The following PTPN14 variants were observed in gnomAD, a reference collection of about 807,000 sequenced individuals.
PTPN14 encodes protein tyrosine phosphatase non-receptor type 14.
Under a neutral mutation model 126.8 loss-of-function variants are expected in PTPN14, and 53 were observed. The observed-to-expected ratio is 0.42, with a 90% CI of 0.34 to 0.53. PTPN14 has a LOEUF of 0.53. Among genes scored for constraint, PTPN14 ranks in the 20% least tolerant of loss-of-function variants. The probability of loss-of-function intolerance (pLI) is 0.08; values close to 1 mark genes in which losing one functional copy is unlikely to be tolerated. For missense variants in PTPN14, 1,257 were observed against 1,552.9 expected (o/e 0.81, Z 3.20); for synonymous variants, 630 against 599.3 (o/e 1.05, Z -0.75).
chr1:214,452,935 T>C (rs1304738961), intron 2 of PTPN14, among the ~76,000 whole-genome samples: 1 of 152,194 alleles, frequency 6.6e-6, no homozygotes, highest in East Asian at 1.9e-4. Context: ...AAGGCATTCT[T>C]ATGCTGATGT....
At chr1:214,412,327 A>G (rs17022833) in intron 4 of PTPN14, among the ~76,000 whole-genome samples, 2,614 of 152,328 alleles carry the variant, frequency 0.017, 83 homozygotes, top group African/African-American at 0.059. Context: ...CTTGCTTCTT[A>G]TCTTGCTTGC....
At chr1:214,420,591 T>C (rs190592377) in intron 3 of PTPN14, among the ~76,000 whole-genome samples, 31 of 152,368 alleles carry the variant, frequency 2.0e-4, no homozygotes, top group African/African-American at 7.0e-4. Flanking sequence ...TCTTGAACTC[T>C]TGCATTAATT....
intron 3 of PTPN14, among the ~76,000 whole-genome samples, chr1:214,433,395 T>A (rs1314432056): frequency 6.6e-6 from 1 of 151,878 alleles, no homozygotes; most frequent in Non-Finnish European, 1.5e-5. Context: ...GGTGACAGAT[T>A]TGCAATTTGT....
In PTPN14 at chr1:214,350,273, T is replaced by G. The variant is rs540626038; in HGVS notation, c.*7649A>C. The G allele has an allele frequency of 2.6e-5, 4 of 152,316 alleles. No homozygotes were observed. The East Asian group carries it at 7.7e-4, about 29-fold the overall frequency. The allele number at this position is 152,316 out of a possible 1,614,324, so 9.4% of individuals were successfully genotyped here. A position where few individuals can be genotyped will look rare whatever the true frequency, so the allele number is the denominator to read the frequency against. ...TAAAGAGGCTATAATGACGAAAGCA[T>G]TTTCCCTGCAGGGAGAAGCTAGAAA... On this transcript the variant is annotated 3_prime_UTR_variant, in exon 19 of 19. Transcript: ENST00000366956.
At chr1:214,538,186 G>A (rs565287826) in intron 1 of PTPN14, among the ~76,000 whole-genome samples, 1 of 152,210 alleles carries the variant, frequency 6.6e-6, no homozygotes, top group Non-Finnish European at 1.5e-5. Flanking sequence ...ACAAGCTGGT[G>A]GATAGACAAA....
At chr1:214,476,708 T>G (rs1436024891) in intron 1 of PTPN14, among the ~76,000 whole-genome samples, 1 of 152,190 alleles carries the variant, frequency 6.6e-6, no homozygotes, top group Non-Finnish European at 1.5e-5. Flanking sequence ...GTCATTTCCA[T>G]GCCTAAGCCA....
chr1:214,503,939 A>C (rs1227375791), intron 1 of PTPN14, among the ~76,000 whole-genome samples: 1 of 152,186 alleles, frequency 6.6e-6, no homozygotes, highest in South Asian at 2.1e-4. Context: ...TGGGACTCTC[A>C]TCATTTTGTA....
rs907965659 is a variant in PTPN14 at position 214,506,544 on chromosome 1, T to C, written c.-154-41587A>G. 2.1e-5 allele frequency among the ~76,000 whole-genome samples: 3 copies of C among 139,624 alleles called. No individual in the cohort carries two copies. The East Asian group carries it at 5.8e-4, about 27-fold the overall frequency. The allele number at this position is 139,624 out of a possible 152,430, so 91.6% of individuals were successfully genotyped here. On this transcript the variant is annotated intron_variant, in intron 1 of 18. Coordinates refer to ENST00000366956, the MANE Select transcript of PTPN14 (RefSeq NM_005401.5). ...AAGAAAATAAATAAATAAATAAATA[T>C]AAAAACTATTTCTAATGTTTACAGA...
chr1:214,447,455 C>T (rs1277325711), intron 3 of PTPN14, among the ~76,000 whole-genome samples: 1 of 152,156 alleles, frequency 6.6e-6, no homozygotes, highest in African/African-American at 2.4e-5. Context: ...CATAAGCCTA[C>T]AACCTACGGC....
chr1:214,388,126 A>G (rs1026796721), intron 11 of PTPN14, among the ~76,000 whole-genome samples: 1 of 152,194 alleles, frequency 6.6e-6, no homozygotes, highest in African/African-American at 2.4e-5. Context: ...AAACAAAAAA[A>G]CTTCAATGGA....
At chr1:214,372,432 T>C in intron 16 of PTPN14, 1 of 366,406 alleles carries the variant, frequency 2.7e-6, no homozygotes, top group Non-Finnish European at 5.0e-6. Context: ...TTTGGTTTTC[T>C]GTTGTTTTAT....
At chr1:214,443,130 A>G (rs1032780117) in intron 3 of PTPN14, among the ~76,000 whole-genome samples, 1 of 152,186 alleles carries the variant, frequency 6.6e-6, no homozygotes, top group African/African-American at 2.4e-5. Flanking sequence ...GCCTAACTGC[A>G]TATCTTTCAC....
At chr1:214,394,268 G>A (rs772003803) in intron 9 of PTPN14, among the ~76,000 whole-genome samples, 1 of 152,146 alleles carries the variant, frequency 6.6e-6, no homozygotes, top group Non-Finnish European at 1.5e-5. Flanking sequence ...ATAGAATCAG[G>A]GGTCACTAGA....
intron 3 of PTPN14, among the ~76,000 whole-genome samples, chr1:214,422,970 T>A (rs1228716020): frequency 6.6e-6 from 1 of 152,124 alleles, no homozygotes; most frequent in Non-Finnish European, 1.5e-5. Flanking sequence ...TAATTCTATA[T>A]CCCTCGAGAC....
chr1:214,504,561 G>A (rs893299471), intron 1 of PTPN14, among the ~76,000 whole-genome samples: 1 of 152,156 alleles, frequency 6.6e-6, no homozygotes, highest in Non-Finnish European at 1.5e-5. Context: ...AATGTCCACA[G>A]AGGTGATGTC....
chr1:214,383,205 T>G lies in PTPN14; in HGVS notation c.2544+106A>C. 7.4e-7 allele frequency: 1 copy of G among 1,357,742 alleles called. No individual in the cohort carries two copies. Among genetic ancestry groups the G allele is most frequent in the Non-Finnish European group, 1.0e-6 (1 of 994,660 alleles). 84.1% of individuals were successfully genotyped at this position (1,357,742 alleles called of 1,614,324 possible). A position where few individuals can be genotyped will look rare whatever the true frequency, so the allele number is the denominator to read the frequency against. ...GTACTACCTTTTAAATGCTCAATGA[T>G]TCCTTAAAAACCTACCACGTTCCCT... On this transcript the variant is annotated intron_variant, in intron 13 of 18. Transcript: ENST00000366956. The surrounding 1 kb of genome is among the most constrained non-coding windows in gnomAD (Gnocchi z 4.4).
chr1:214,359,933 T>C (rs1657915548), intron 18 of PTPN14, among the ~76,000 whole-genome samples: 1 of 152,210 alleles, frequency 6.6e-6, no homozygotes, highest in African/African-American at 2.4e-5. Context: ...ATTAATTCAG[T>C]GTCATGGGTA....
At chr1:214,359,035 C>T (rs1558067799) in intron 18 of PTPN14, among the ~76,000 whole-genome samples, 2 of 151,742 alleles carry the variant, frequency 1.3e-5, no homozygotes, top group Admixed American at 6.6e-5. Context: ...TGAGCCACCC[C>T]GCCTGACCTC....
Position 214,383,196 on chromosome 1 carries a change from G to T in PTPN14, c.2544+115C>A. 1 of 1,291,846 alleles carries T rather than the reference G, an allele frequency of 7.7e-7. No individual in the cohort carries two copies. Among genetic ancestry groups the T allele is most frequent in the East Asian group, 2.3e-5 (1 of 42,616 alleles). The allele number at this position is 1,291,846 out of a possible 1,614,324, so 80.0% of individuals were successfully genotyped here. On this transcript the variant is annotated intron_variant, in intron 13 of 18. Transcript: ENST00000366956. This position sits in a 1 kb window ranked among gnomAD's most constrained non-coding sequence, Gnocchi z 4.4. ...TGTAATAAAGTACTACCTTTTAAAT[G>T]CTCAATGATTCCTTAAAAACCTACC...
Sources: gnomAD v4.1 joint callset for allele counts (sites outside exome capture counted in the v4.1 genomes callset) on GRCh38, gnomAD v4.1.1 for gene constraint, Gnocchi (gnomAD v3.1) non-coding constraint, MANE v1.5 for transcripts, NCBI Gene and HGNC (gene_info 2026-07-23, HGNC 2026-07-21) for gene names.